Variants in PCBD2 observed in about 807,000 individuals in gnomAD.
The protein encoded by PCBD2 is pterin-4 alpha-carbinolamine dehydratase 2, also known as pterin-4-alpha-carbinolamine dehydratase 2.
PCBD2 carries 12 observed loss-of-function variants against 16.4 expected under a neutral mutation model. The observed-to-expected ratio is 0.73, with a 90% CI of 0.47 to 1.19. The LOEUF (loss-of-function observed/expected upper bound fraction) is 1.19, where lower values mean the gene tolerates loss of function less well. Among genes scored for constraint, PCBD2 ranks in the 50% most tolerant of loss-of-function variants. The pLI is 0.00. For missense variants in PCBD2, 138 were observed against 156.8 expected, an observed-to-expected ratio of 0.88 and a Z score of 0.64; for synonymous variants, 58 against 61.8, an observed-to-expected ratio of 0.94 and a Z score of 0.29.
chr5:134,924,635 T>G (rs1750961489), intron 2 of PCBD2: 1 of 397,414 alleles, frequency 2.5e-6, no homozygotes, highest in South Asian at 1.3e-4. Context: ...TAGAGATTGC[T>G]CGGGGGAATA....
At chr5:134,950,183 C>T (rs1040720539) in intron 2 of PCBD2, among the ~76,000 whole-genome samples, 2 of 152,128 alleles carry the variant, frequency 1.3e-5, no homozygotes, top group Non-Finnish European at 2.9e-5. Flanking sequence ...ATGTCTAATT[C>T]ATTGAATTAG....
chr5:134,946,036 G>A lies in PCBD2; in HGVS notation c.217-13004G>A, dbSNP rs564856509. On this transcript the variant is annotated intron_variant, in intron 2 of 3. Transcript: ENST00000254908. Reference sequence around the variant, plus strand: ...CCTTTCTTTGTGGCTATAAGCCCTGGTATTTTTCTTTAACAAATAATTAAA... The same window carrying A: ...CCTTTCTTTGTGGCTATAAGCCCTGATATTTTTCTTTAACAAATAATTAAA... Among the ~76,000 whole-genome samples, 19 of 151,564 alleles carry A rather than the reference G, an allele frequency of 1.3e-4. No individual in the cohort carries two copies. The East Asian group carries it at 3.3e-3, about 26-fold the overall frequency.
intron 2 of PCBD2, chr5:134,928,096 T>C: frequency 2.5e-6 from 1 of 393,476 alleles, no homozygotes; most frequent in Non-Finnish European, 4.5e-6. Context: ...TTGAGACTAG[T>C]AGGGCTAGGC....
chr5:134,925,034 A>G (rs1308782071), intron 2 of PCBD2: 11 of 394,662 alleles, frequency 2.8e-5, no homozygotes, highest in Non-Finnish European at 4.9e-5. Flanking sequence ...TGGGGGGTGG[A>G]TGTGGGGAGA....
intron 2 of PCBD2, chr5:134,923,320 G>A (rs1472626655): frequency 6.3e-6 from 1 of 159,780 alleles, no homozygotes; most frequent in Non-Finnish European, 1.4e-5. Flanking sequence ...GGTGAGAATA[G>A]TGTTAACGTC....
At chr5:134,954,692 C>T (rs897690762) in intron 2 of PCBD2, among the ~76,000 whole-genome samples, 2 of 151,864 alleles carry the variant, frequency 1.3e-5, no homozygotes, top group Non-Finnish European at 2.9e-5. Context: ...AGGTATTGCC[C>T]CTCTGACTTC....
chr5:134,937,104 T>C (rs1345908183), intron 2 of PCBD2, among the ~76,000 whole-genome samples: 2 of 152,226 alleles, frequency 1.3e-5, no homozygotes, highest in Non-Finnish European at 2.9e-5. Flanking sequence ...AAAACTGGTA[T>C]TGACTTTATT....
In PCBD2 at chr5:134,910,435, A is replaced by G. The variant is rs1209439935; in HGVS notation, c.185A>G (p.Tyr62Cys). The G allele has an allele frequency of 9.9e-6, 16 of 1,614,088 alleles. No homozygotes were observed. The highest frequency in any genetic ancestry group is 2.7e-5 in the African/African-American group (2 of 74,942). The change falls in exon 2 of 4, where the codon TAC (tyrosine) becomes TGC (cysteine). Residue 62 changes from tyrosine (Y) to cysteine (C), a missense_variant. Tyr to Cys is a radical substitution (Grantham distance 194). Coordinates refer to ENST00000254908, the MANE Select transcript of PCBD2 (RefSeq NM_032151.5). ...WSELSERDAIYKEFSFHNFNQ... is the reference protein window; with the variant it reads ...WSELSERDAICKEFSFHNFNQ... ...GAATTAAGTGAGAGAGATGCCATCT[A>G]CAAAGAATTCTCCTTCCACAATTTT...
chr5:134,916,993 G>T (rs1041661033), intron 2 of PCBD2, among the ~76,000 whole-genome samples: 1 of 152,206 alleles, frequency 6.6e-6, no homozygotes, highest in Non-Finnish European at 1.5e-5. Context: ...CTTTTTTGTT[G>T]TTCCTGTAGA....
At chr5:134,930,951 T>C (rs1212470884) in intron 2 of PCBD2, among the ~76,000 whole-genome samples, 1 of 152,196 alleles carries the variant, frequency 6.6e-6, no homozygotes, top group African/African-American at 2.4e-5. Context: ...AGAGTCTTGC[T>C]CTGTTGCCCA....
At chr5:134,911,619 G>A (rs965364795) in intron 2 of PCBD2, among the ~76,000 whole-genome samples, 4 of 152,206 alleles carry the variant, frequency 2.6e-5, no homozygotes, top group African/African-American at 7.2e-5. Flanking sequence ...ATTGATTACA[G>A]TGTTTGCTAG....
intron 2 of PCBD2, among the ~76,000 whole-genome samples, chr5:134,958,727 G>A (rs1264448731): frequency 2.0e-5 from 3 of 152,194 alleles, no homozygotes; most frequent in African/African-American, 7.2e-5. Flanking sequence ...GGGTTGAAGG[G>A]AAATTATTCC....
At chr5:134,909,199 A>G (rs1428954606) in intron 1 of PCBD2, among the ~76,000 whole-genome samples, 2 of 152,260 alleles carry the variant, frequency 1.3e-5, no homozygotes, top group Non-Finnish European at 2.9e-5. Flanking sequence ...CAGGCCAGAC[A>G]GTGCACACAA....
chr5:134,923,881 G>T (rs1750943083), intron 2 of PCBD2: 1 of 394,634 alleles, frequency 2.5e-6, no homozygotes. Context: ...GAAGCGTCTG[G>T]TGAGTAGTGT....
At chr5:134,923,125 A>G (rs1201891131) in intron 2 of PCBD2, among the ~76,000 whole-genome samples, 3 of 152,230 alleles carry the variant, frequency 2.0e-5, no homozygotes, top group Non-Finnish European at 4.4e-5. Flanking sequence ...GAGGAAACTG[A>G]GACTTGCTAA....
chr5:134,956,255 A>C (rs1180048458), intron 2 of PCBD2, among the ~76,000 whole-genome samples: 1 of 98,808 alleles, frequency 1.0e-5, no homozygotes, highest in Admixed American at 9.8e-5. Context: ...GCTGAGAAAA[A>C]TACAAATTTG....
At chr5:134,930,821 C>T (rs1394484964) in intron 2 of PCBD2, among the ~76,000 whole-genome samples, 2 of 152,196 alleles carry the variant, frequency 1.3e-5, no homozygotes, top group East Asian at 3.8e-4. Flanking sequence ...ATCCATTAGG[C>T]ATTCATTTCT....
chr5:134,943,083 A>G (rs934741263), intron 2 of PCBD2, among the ~76,000 whole-genome samples: 3 of 152,224 alleles, frequency 2.0e-5, no homozygotes, highest in Non-Finnish European at 4.4e-5. Context: ...TCCATACAGC[A>G]TAAATCTAGA....
At chr5:134,936,265 G>A (rs1017673343) in intron 2 of PCBD2, among the ~76,000 whole-genome samples, 3 of 152,184 alleles carry the variant, frequency 2.0e-5, no homozygotes, top group Non-Finnish European at 4.4e-5. Flanking sequence ...GACATCTGTG[G>A]AGAGGAAGAG....
Sources: allele counts gnomAD v4.1 joint callset (sites outside exome capture counted in the v4.1 genomes callset), GRCh38; gene constraint gnomAD v4.1.1; transcripts MANE v1.5; gene names NCBI Gene and HGNC (gene_info 2026-07-23, HGNC 2026-07-21).